Variants in FAM222B observed in about 807,000 individuals in gnomAD.
FAM222B encodes protein FAM222B.
Under a neutral mutation model 38.0 loss-of-function variants are expected in FAM222B, and 12 were observed. That is an observed-to-expected ratio of 0.32 (90% CI 0.20 to 0.51). The LOEUF is 0.51. Among genes scored for constraint, FAM222B ranks in the 20% least tolerant of loss-of-function variants. FAM222B has a pLI of 0.97. For missense variants in FAM222B, 716 were observed against 754.2 expected (o/e 0.95, Z 0.59); for synonymous variants, 329 against 317.2 (o/e 1.04, Z -0.40).
chr17:28,775,548 T>C (rs1210847970), intron 1 of FAM222B, among the ~76,000 whole-genome samples: 4 of 151,532 alleles, frequency 2.6e-5, no homozygotes, highest in Non-Finnish European at 5.9e-5. Flanking sequence ...TGATTCATGC[T>C]GTGGCTCAAA....
chr17:28,847,317 G>T (rs72848943), upstream of FAM222B, among the ~76,000 whole-genome samples: 1 of 152,068 alleles, frequency 6.6e-6, no homozygotes, highest in Non-Finnish European at 1.5e-5. Context: ...GTAGTGGGCC[G>T]TGCGTGGTGG....
upstream of FAM222B, among the ~76,000 whole-genome samples, chr17:28,844,004 A>G (rs987962493): frequency 2.0e-5 from 3 of 152,208 alleles, no homozygotes; most frequent in Admixed American, 2.0e-4. Context: ...GCAGGCAAAT[A>G]GTCCCCTGCT....
chr17:28,820,499 G>A (rs928465579), intron 1 of FAM222B, among the ~76,000 whole-genome samples: 2 of 152,088 alleles, frequency 1.3e-5, no homozygotes, highest in Non-Finnish European at 2.9e-5. Flanking sequence ...GTGTGTGAGT[G>A]TTTCTATTGA....
At chr17:28,761,880 T>C (rs1482858278) in intron 2 of FAM222B, 2 of 152,158 alleles carry the variant, frequency 1.3e-5, no homozygotes, top group Non-Finnish European at 2.9e-5. Flanking sequence ...ATGTGTCTTA[T>C]TGGTCATAAT....
intron 2 of FAM222B, 107 bp downstream of exon 2, chr17:28,766,479 G>T (rs77494328): frequency 3.8e-6 from 3 of 796,790 alleles, no homozygotes; most frequent in South Asian, 1.8e-5. Flanking sequence ...AAAAAGAAAG[G>T]TGTCAAAATT....
At chr17:28,771,947 C>T (rs1220212486) in intron 1 of FAM222B, among the ~76,000 whole-genome samples, 1 of 152,144 alleles carries the variant, frequency 6.6e-6, no homozygotes, top group African/African-American at 2.4e-5. Flanking sequence ...GTCCCAGCTA[C>T]TCAGGAGTCT....
At chr17:28,803,598 C>A (rs932241439) in intron 1 of FAM222B, among the ~76,000 whole-genome samples, 6 of 152,054 alleles carry the variant, frequency 3.9e-5, no homozygotes, top group African/African-American at 1.4e-4. Flanking sequence ...TGTCTGGCTG[C>A]AGTTTGTTTC....
intron 1 of FAM222B, among the ~76,000 whole-genome samples, chr17:28,773,797 CAA>C (rs879413377): frequency 4.7e-5 from 6 of 128,744 alleles, no homozygotes; most frequent in Non-Finnish European, 3.3e-5. Context: ...GCCTCTGTCT[CAA>C]AAAAAAAAAA....
At chr17:28,807,632 C>T (rs1359325394) in intron 1 of FAM222B, among the ~76,000 whole-genome samples, 1 of 152,118 alleles carries the variant, frequency 6.6e-6, no homozygotes, top group Admixed American at 6.6e-5. Flanking sequence ...GTGATCCGTC[C>T]GCCTCAGCCT....
intron 1 of FAM222B, among the ~76,000 whole-genome samples, chr17:28,835,540 GACATT>G (rs1466113220): frequency 6.6e-6 from 1 of 152,138 alleles, no homozygotes; most frequent in Non-Finnish European, 1.5e-5. Flanking sequence ...TAGAAAAAAA[GACATT>G]ACACAAATTC....
intron 1 of FAM222B, among the ~76,000 whole-genome samples, chr17:28,832,122 G>A (rs939869877): frequency 9.9e-5 from 15 of 152,008 alleles, no homozygotes; most frequent in Non-Finnish European, 1.8e-4. Context: ...CCCGGGAGGC[G>A]GAGCTTGCCG....
At chr17:28,850,270 T>G (rs1490581510) in intron 1 of FAM222B, among the ~76,000 whole-genome samples, 2 of 151,936 alleles carry the variant, frequency 1.3e-5, no homozygotes, top group African/African-American at 4.8e-5. Flanking sequence ...GCTCAGGCAT[T>G]GGAGTCTCCT....
chr17:28,804,253 C>T lies in FAM222B; in HGVS notation c.-40-37546G>A, dbSNP rs2037373230. ...GCAGACAGCATATTGTGGAACTTCTCAGCCTCCATAACTAAATGAGCCAAG... is the reference window on the plus strand; with the variant it reads ...GCAGACAGCATATTGTGGAACTTCTTAGCCTCCATAACTAAATGAGCCAAG... On this transcript the variant is annotated intron_variant, in intron 1 of 2. Transcript: ENST00000581407. 2.6e-5 allele frequency among the ~76,000 whole-genome samples: 4 copies of T among 152,118 alleles called. 1 individual carries two copies. In the South Asian group the frequency reaches 8.3e-4, roughly 31 times the overall value.
intron 2 of FAM222B, among the ~76,000 whole-genome samples, chr17:28,761,739 C>T (rs1326580717): frequency 6.6e-6 from 1 of 152,136 alleles, no homozygotes; most frequent in Non-Finnish European, 1.5e-5. Flanking sequence ...AGCCAGGCAT[C>T]CCCACCTCCC....
At chr17:28,802,664 GC>G in intron 1 of FAM222B, 1 of 179,716 alleles carries the variant, frequency 5.6e-6, no homozygotes, top group South Asian at 1.3e-4. Flanking sequence ...AGCTGTCTGG[GC>G]CAAAGGAATA....
intron 1 of FAM222B, among the ~76,000 whole-genome samples, chr17:28,799,530 C>T (rs1201265544): frequency 6.6e-6 from 1 of 151,440 alleles, no homozygotes; most frequent in Non-Finnish European, 1.5e-5. Flanking sequence ...AGGATGGTCT[C>T]GATCTCCTGA....
At chr17:28,793,668 T>TC (rs1314516688) in intron 1 of FAM222B, among the ~76,000 whole-genome samples, 1 of 151,858 alleles carries the variant, frequency 6.6e-6, no homozygotes, top group African/African-American at 2.4e-5. Context: ...CATCAACTTA[T>TC]CCCCTACTTT....
At chr17:28,821,830 C>T (rs548684329) in intron 1 of FAM222B, among the ~76,000 whole-genome samples, 1 of 151,136 alleles carries the variant, frequency 6.6e-6, no homozygotes, top group Non-Finnish European at 1.5e-5. Context: ...GGCGTGGTGG[C>T]GCATGCCTGT....
rs564042164 is a variant in FAM222B, at chr17:28,807,251, G to C, written c.-41+35431C>G. Among the ~76,000 whole-genome samples, 113 of 152,022 alleles carry C rather than the reference G, an allele frequency of 7.4e-4. 1 individual carries two copies. Among genetic ancestry groups the C allele is most frequent in the African/African-American group, 2.6e-3 (107 of 41,454 alleles). ...AGCTGGTCTTGAACTCCCGAACTCAGGTGATCCGCCTGCCTCAGCTTCCCA... is the reference window on the plus strand; with the variant it reads ...AGCTGGTCTTGAACTCCCGAACTCACGTGATCCGCCTGCCTCAGCTTCCCA... On this transcript the variant is annotated intron_variant, in intron 1 of 2. Transcript: ENST00000581407.
Sources: gnomAD v4.1 joint callset for allele counts (sites outside exome capture counted in the v4.1 genomes callset) on GRCh38, gnomAD v4.1.1 for gene constraint, MANE v1.5 for transcripts, NCBI Gene and HGNC (gene_info 2026-07-23, HGNC 2026-07-21) for gene names.